PTPRM: variants seen among roughly 807,000 people sequenced by gnomAD.
The protein encoded by PTPRM is receptor-type tyrosine-protein phosphatase mu.
PTPRM carries 47 observed loss-of-function variants against 186.7 expected under a neutral mutation model. The observed-to-expected ratio is 0.25, with a 90% CI of 0.20 to 0.32. PTPRM has a LOEUF of 0.32. Among genes scored for constraint, PTPRM ranks in the 10% least tolerant of loss-of-function variants. The probability of loss-of-function intolerance (pLI) is 1.00; values close to 1 mark genes in which losing one functional copy is unlikely to be tolerated. For missense variants in PTPRM, 1,494 were observed against 1,865.0 expected (o/e 0.80, Z 3.66); for synonymous variants, 668 against 674.9 (o/e 0.99, Z 0.16).
chr18:7,789,771 C>T lies in PTPRM; in HGVS notation c.196+15500C>T, dbSNP rs556983282. 1.2e-3 allele frequency among the ~76,000 whole-genome samples: 176 copies of T among 152,232 alleles called. 3 individuals are homozygous for T. The South Asian group carries it at 0.036, about 31-fold the overall frequency. ...GGAAGGGTTGCCTTCGCTGAGAGAC[C>T]GCTTATCTTCATAAAATGCCTATAT... On this transcript the variant is annotated intron_variant, in intron 2 of 32. Coordinates refer to ENST00000580170, the MANE Select transcript of PTPRM (RefSeq NM_001105244.2).
At chr18:8,210,451 G>A (rs1248567112) in intron 14 of PTPRM, among the ~76,000 whole-genome samples, 1 of 152,218 alleles carries the variant, frequency 6.6e-6, no homozygotes, top group African/African-American at 2.4e-5. Flanking sequence ...GCCACCAGAA[G>A]CTGAAAGAAC....
At chr18:7,956,887 C>G (rs2053347230) in intron 7 of PTPRM, among the ~76,000 whole-genome samples, 1 of 152,228 alleles carries the variant, frequency 6.6e-6, no homozygotes, top group Non-Finnish European at 1.5e-5. Context: ...TATTTTACCA[C>G]TGCCTTATGA....
At chr18:8,378,203 T>A in intron 26 of PTPRM, 62 bp from the exon 27 acceptor site, 5 of 1,490,778 alleles carry the variant, frequency 3.4e-6, no homozygotes, top group Non-Finnish European at 4.6e-6. Context: ...CTAAAATTGA[T>A]ACCGTCTTTC....
chr18:8,091,900 C>T (rs1411661530), intron 11 of PTPRM, among the ~76,000 whole-genome samples: 2 of 152,014 alleles, frequency 1.3e-5, no homozygotes, highest in Non-Finnish European at 2.9e-5. Flanking sequence ...AATCAAACTG[C>T]AGTACAAGAA....
chr18:7,973,669 A>G (rs1433142688), intron 7 of PTPRM, among the ~76,000 whole-genome samples: 3 of 152,220 alleles, frequency 2.0e-5, no homozygotes, highest in East Asian at 1.9e-4. Context: ...GTGGTTTATT[A>G]TAGAGAAATC....
At chr18:7,829,669 G>A (rs775975181) in intron 2 of PTPRM, among the ~76,000 whole-genome samples, 1 of 152,184 alleles carries the variant, frequency 6.6e-6, no homozygotes, top group Admixed American at 6.5e-5. Flanking sequence ...CTTAGTATAT[G>A]TGAGGCTTAT....
intron 2 of PTPRM, among the ~76,000 whole-genome samples, chr18:7,776,727 C>T (rs2042602101): frequency 6.6e-6 from 1 of 152,084 alleles, no homozygotes; most frequent in Non-Finnish European, 1.5e-5. Context: ...GTGCTATAGA[C>T]TGGAAGTGTT....
At chr18:8,292,837 G>A (rs932094306) in intron 19 of PTPRM, among the ~76,000 whole-genome samples, 2 of 152,198 alleles carry the variant, frequency 1.3e-5, no homozygotes, top group African/African-American at 4.8e-5. Flanking sequence ...TCAGAGACAA[G>A]CAGAGATAAT....
intron 5 of PTPRM, among the ~76,000 whole-genome samples, chr18:7,937,356 T>C (rs555448364): frequency 1.3e-5 from 2 of 152,286 alleles, no homozygotes; most frequent in Admixed American, 1.3e-4. Context: ...ACGTTCCCCA[T>C]TGCCAGCCTT....
In PTPRM at chr18:8,125,992, TATATATATATATATATATATATATATATA is replaced by T. The variant is rs1330241863; in HGVS notation, c.2167+11166_2167+11194del. Among the ~76,000 whole-genome samples the T allele has an allele frequency of 5.7e-4, 5 of 8,830 alleles. 1 individual carries two copies. The highest frequency in any genetic ancestry group is 1.8e-3 in the Non-Finnish European group (5 of 2,746). The allele number at this position is 8,830 out of a possible 152,430, so 5.8% of individuals were successfully genotyped here. A position where few individuals can be genotyped will look rare whatever the true frequency, so the allele number is the denominator to read the frequency against. On this transcript the variant is annotated intron_variant, in intron 13 of 32. Transcript: ENST00000580170. ...GTGTGTATACATATATATATATATA[TATATATATATATATATATATATATATATA>T]TATATATTTTAAATCAGTAGACCTT...
At chr18:8,114,856 A>G (rs571229804) in intron 13 of PTPRM, 29 bp downstream of exon 13, 2 of 1,590,444 alleles carry the variant, frequency 1.3e-6, no homozygotes, top group Admixed American at 1.7e-5. Context: ...ATATTCTCCT[A>G]ATTAATGTTC....
intron 19 of PTPRM, among the ~76,000 whole-genome samples, chr18:8,268,816 A>G (rs2094734418): frequency 6.6e-6 from 1 of 152,130 alleles, no homozygotes; most frequent in Admixed American, 6.5e-5. Flanking sequence ...AGAATGAAGC[A>G]TATAAATTAT....
chr18:8,328,011 T>C (rs1402918127), intron 22 of PTPRM, among the ~76,000 whole-genome samples: 1 of 152,208 alleles, frequency 6.6e-6, no homozygotes, highest in Non-Finnish European at 1.5e-5. Context: ...AGTGGAAATA[T>C]TTACAGAGCC....
At chr18:7,966,509 G>C (rs1380194216) in intron 7 of PTPRM, among the ~76,000 whole-genome samples, 1 of 151,816 alleles carries the variant, frequency 6.6e-6, no homozygotes, top group African/African-American at 2.4e-5. Flanking sequence ...GAGCGACGCA[G>C]AAGACGGGTG....
intron 2 of PTPRM, among the ~76,000 whole-genome samples, chr18:7,832,042 G>C (rs1232150370): frequency 6.6e-6 from 1 of 152,112 alleles, no homozygotes; most frequent in Non-Finnish European, 1.5e-5. Context: ...GGACACTTAT[G>C]TTGCTTCCAA....
intron 5 of PTPRM, 23 bp downstream of exon 5, chr18:7,926,706 G>A: frequency 1.3e-6 from 2 of 1,554,498 alleles, no homozygotes; most frequent in Non-Finnish European, 1.8e-6. Context: ...ATTTTCATCA[G>A]TTGATGAGAG....
chr18:8,147,985 G>T (rs904041536), intron 14 of PTPRM, among the ~76,000 whole-genome samples: 2 of 152,286 alleles, frequency 1.3e-5, no homozygotes, highest in African/African-American at 4.8e-5. Flanking sequence ...TGCATCCCAG[G>T]GATGAAACTG....
intron 5 of PTPRM, among the ~76,000 whole-genome samples, chr18:7,930,641 T>TA (rs1475943612): frequency 6.6e-6 from 1 of 152,202 alleles, no homozygotes; most frequent in Non-Finnish European, 1.5e-5. Flanking sequence ...ATTATGCACT[T>TA]ACGCTTTGAT....
chr18:7,910,136 C>A (rs1599441438), intron 4 of PTPRM, among the ~76,000 whole-genome samples: 1 of 152,154 alleles, frequency 6.6e-6, no homozygotes, highest in Non-Finnish European at 1.5e-5. Context: ...GATTTATTGA[C>A]ATATCACTGA....
Sources: allele counts gnomAD v4.1 joint callset (sites outside exome capture counted in the v4.1 genomes callset), GRCh38; gene constraint gnomAD v4.1.1; transcripts MANE v1.5; gene names NCBI Gene and HGNC (gene_info 2026-07-23, HGNC 2026-07-21).